Variants in TMEM132C observed in about 807,000 individuals in gnomAD.
TMEM132C encodes the protein transmembrane protein 132C, also known as protein phosphatase 1, regulatory subunit 152.
Under a neutral mutation model 61.4 loss-of-function variants are expected in TMEM132C, and 29 were observed. The observed-to-expected ratio is 0.47, with a 90% CI of 0.35 to 0.64. The LOEUF (loss-of-function observed/expected upper bound fraction) is 0.64, where lower values mean the gene tolerates loss of function less well. Ranked by LOEUF, TMEM132C falls within the 30% of genes least tolerant of loss-of-function variation. The pLI is 0.00. For synonymous variants in TMEM132C, 656 were observed against 633.1 expected (o/e 1.04, Z -0.54); for missense variants, 1,408 against 1,476.9 (o/e 0.95, Z 0.76).
At chr12:128,369,763 A>C (rs1184233020) in intron 1 of TMEM132C, among the ~76,000 whole-genome samples, 1 of 152,248 alleles carries the variant, frequency 6.6e-6, no homozygotes, top group Non-Finnish European at 1.5e-5. Flanking sequence ...GCTGCCACTG[A>C]CAACGCCTTG....
chr12:128,455,947 A>G (rs1232736277), intron 2 of TMEM132C, among the ~76,000 whole-genome samples: 1 of 152,228 alleles, frequency 6.6e-6, no homozygotes, highest in East Asian at 1.9e-4. Context: ...TTTATAAAAC[A>G]AAGATAAATG....
chr12:128,333,839 G>A (rs781722900), intron 1 of TMEM132C, among the ~76,000 whole-genome samples: 1 of 151,388 alleles, frequency 6.6e-6, no homozygotes, highest in African/African-American at 2.4e-5. Flanking sequence ...TGTGGTGTGT[G>A]TATGTGTGAG....
intron 4 of TMEM132C, among the ~76,000 whole-genome samples, chr12:128,617,409 G>A (rs2135584616): frequency 6.6e-6 from 1 of 152,356 alleles, no homozygotes; most frequent in East Asian, 1.9e-4. Context: ...GAGACTGATT[G>A]GAACTGATTG....
chr12:128,291,330 C>G (rs1442437552), intron 1 of TMEM132C, among the ~76,000 whole-genome samples: 5 of 152,186 alleles, frequency 3.3e-5, no homozygotes, highest in African/African-American at 1.2e-4. Context: ...GTTTCTGTCC[C>G]CACACGCTAG....
At chr12:128,694,887 G>A (rs1168989927) in intron 6 of TMEM132C, among the ~76,000 whole-genome samples, 1 of 152,178 alleles carries the variant, frequency 6.6e-6, no homozygotes, top group Non-Finnish European at 1.5e-5. Context: ...AGACTCCCTG[G>A]GCTCCAATCC....
intron 4 of TMEM132C, among the ~76,000 whole-genome samples, chr12:128,643,329 A>T (rs1382802032): frequency 6.6e-6 from 1 of 152,232 alleles, no homozygotes; most frequent in African/African-American, 2.4e-5. Context: ...CCAGGGCCGC[A>T]AGGGAGGCCC....
At chr12:128,320,464 C>A (rs555847798) in intron 1 of TMEM132C, among the ~76,000 whole-genome samples, 1 of 152,168 alleles carries the variant, frequency 6.6e-6, no homozygotes, top group East Asian at 1.9e-4. Context: ...TTGACAATAA[C>A]ATATTCAAAA....
At chr12:128,397,417 C>T (rs148865355) in intron 1 of TMEM132C, among the ~76,000 whole-genome samples, 92 of 152,238 alleles carry the variant, frequency 6.0e-4, no homozygotes, top group African/African-American at 1.8e-3. Context: ...GCAATTGCAA[C>T]GGTCAGGGGC....
At chr12:128,322,978 C>T (rs1872384347) in intron 1 of TMEM132C, among the ~76,000 whole-genome samples, 1 of 152,138 alleles carries the variant, frequency 6.6e-6, no homozygotes, top group Admixed American at 6.5e-5. Context: ...TTTTCAAGTG[C>T]CTGCCCTGTT....
intron 2 of TMEM132C, among the ~76,000 whole-genome samples, chr12:128,452,759 T>C (rs1196029928): frequency 6.6e-6 from 1 of 152,110 alleles, no homozygotes; most frequent in Non-Finnish European, 1.5e-5. Flanking sequence ...GATTTGTGCA[T>C]TTCTGGCTGT....
chr12:128,397,684 C>G (rs909156624), intron 1 of TMEM132C, among the ~76,000 whole-genome samples: 2 of 152,162 alleles, frequency 1.3e-5, no homozygotes, highest in East Asian at 3.9e-4. Context: ...TTCTTCTCTT[C>G]TGCGTTCCAA....
At chr12:128,580,427 T>C (rs1370162506) in intron 3 of TMEM132C, among the ~76,000 whole-genome samples, 1 of 151,202 alleles carries the variant, frequency 6.6e-6, no homozygotes, top group African/African-American at 2.4e-5. Flanking sequence ...TCTCAAAAAA[T>C]GAAATAAAAT....
intron 3 of TMEM132C, among the ~76,000 whole-genome samples, chr12:128,591,355 G>C (rs1261107617): frequency 6.6e-6 from 1 of 152,086 alleles, no homozygotes; most frequent in Non-Finnish European, 1.5e-5. Flanking sequence ...CGTGTCAGTG[G>C]AATCATAGTG....
At chr12:128,364,305 C>T (rs1441172882) in intron 1 of TMEM132C, among the ~76,000 whole-genome samples, 2 of 145,192 alleles carry the variant, frequency 1.4e-5, no homozygotes, top group Non-Finnish European at 3.0e-5. Context: ...CTCTCTCTCT[C>T]TCCCCCTCCT....
intron 2 of TMEM132C, among the ~76,000 whole-genome samples, chr12:128,420,975 G>C (rs1868966835): frequency 6.6e-6 from 1 of 152,172 alleles, no homozygotes; most frequent in African/African-American, 2.4e-5. Context: ...CATGAGTCTC[G>C]CTGAAGTTTG....
At chr12:128,593,016 CCT>C (rs1875810523) in intron 3 of TMEM132C, among the ~76,000 whole-genome samples, 3 of 151,928 alleles carry the variant, frequency 2.0e-5, no homozygotes, top group Admixed American at 1.3e-4. Context: ...CCTTCTCTCA[CCT>C]TCCTTCTCTC....
At chr12:128,534,603 C>T (rs1306879080) in intron 2 of TMEM132C, among the ~76,000 whole-genome samples, 1 of 152,246 alleles carries the variant, frequency 6.6e-6, no homozygotes. Context: ...TGGCCAGCTT[C>T]CCTGGGCTTG....
At chr12:128,510,076 G>A (rs1872520417) in intron 2 of TMEM132C, among the ~76,000 whole-genome samples, 2 of 152,182 alleles carry the variant, frequency 1.3e-5, no homozygotes, top group African/African-American at 4.8e-5. Context: ...CCTGAGGCTG[G>A]TGACCTGCCT....
chr12:128,302,374 G>A (rs900079816), intron 1 of TMEM132C, among the ~76,000 whole-genome samples: 1 of 152,176 alleles, frequency 6.6e-6, no homozygotes, highest in Non-Finnish European at 1.5e-5. Context: ...AGCAAAACAT[G>A]CAAAATCAGA....
Sources: allele counts gnomAD v4.1 joint callset (sites outside exome capture counted in the v4.1 genomes callset), GRCh38; gene constraint gnomAD v4.1.1; transcripts MANE v1.5; gene names NCBI Gene and HGNC (gene_info 2026-07-23, HGNC 2026-07-21).